XKR9: variants seen among roughly 807,000 people sequenced by gnomAD.
XKR9 encodes the protein XK related 9, also known as XK-related protein 9.
XKR9 carries 32 observed loss-of-function variants against 32.0 expected under a neutral mutation model. The ratio of observed to expected loss-of-function variants is 1.00; its 90% CI spans 0.76 to 1.34. XKR9 has a LOEUF of 1.34. Ranked by LOEUF, XKR9 falls within the 40% of genes most tolerant of loss-of-function variation. The probability of loss-of-function intolerance (pLI) is 0.00; values close to 1 mark genes in which losing one functional copy is unlikely to be tolerated. For synonymous variants in XKR9, 168 were observed against 143.4 expected, an observed-to-expected ratio of 1.17 and a Z score of -1.22; for missense variants, 546 against 429.7, an observed-to-expected ratio of 1.27 and a Z score of -2.39.
chr8:70,719,168 T>C (rs2132210350), intron 4 of XKR9, among the ~76,000 whole-genome samples: 2 of 152,222 alleles, frequency 1.3e-5, no homozygotes, highest in African/African-American at 4.8e-5. Flanking sequence ...TTTTTTTTTC[T>C]TGTAAATTTA....
At chr8:70,793,018 A>G (rs1413636034), downstream of XKR9, among the ~76,000 whole-genome samples, 1 of 152,132 alleles carries the variant, frequency 6.6e-6, no homozygotes, top group Non-Finnish European at 1.5e-5. Flanking sequence ...GACAATTACA[A>G]AGGCTTACAC....
intron 2 of XKR9, among the ~76,000 whole-genome samples, chr8:70,775,177 C>T (rs564023007): frequency 1.5e-3 from 231 of 152,092 alleles, no homozygotes; most frequent in African/African-American, 5.5e-3. Context: ...GATTTTGTAT[C>T]CTGCAAATTT....
chr8:70,671,768 A>G (rs1473427918), intron 1 of XKR9, among the ~76,000 whole-genome samples: 3 of 111,012 alleles, frequency 2.7e-5, no homozygotes, highest in Non-Finnish European at 6.6e-5. Context: ...AGTCTTTGCT[A>G]TTGTGAATAG....
At chr8:70,902,434 T>G in the XKR9 span, among the ~76,000 whole-genome samples, 1 of 152,218 alleles carries the variant, frequency 6.6e-6, no homozygotes, top group Non-Finnish European at 1.5e-5. Context: ...GGGAGTTCAC[T>G]CATGATTTGG....
chr8:70,992,006 A>G, the XKR9 span, among the ~76,000 whole-genome samples: 1 of 152,170 alleles, frequency 6.6e-6, no homozygotes, highest in African/African-American at 2.4e-5. Context: ...TGTAATATTA[A>G]TTGCAGATAA....
At chr8:70,985,889 A>G in the XKR9 span, among the ~76,000 whole-genome samples, 2 of 152,180 alleles carry the variant, frequency 1.3e-5, no homozygotes, top group Admixed American at 1.3e-4. Context: ...AAACATAATT[A>G]TAATTCTTCT....
At chr8:70,816,252 A>G in the XKR9 span, among the ~76,000 whole-genome samples, 3 of 152,202 alleles carry the variant, frequency 2.0e-5, no homozygotes, top group Admixed American at 2.0e-4. Context: ...TGAAAGGACA[A>G]CCTTTTCAAT....
At chr8:70,875,341 G>T in the XKR9 span, among the ~76,000 whole-genome samples, 1 of 152,130 alleles carries the variant, frequency 6.6e-6, no homozygotes, top group Non-Finnish European at 1.5e-5. Flanking sequence ...CACATGACTT[G>T]CCTTGGTGTG....
At chr8:70,957,022 G>A in the XKR9 span, among the ~76,000 whole-genome samples, 1 of 152,236 alleles carries the variant, frequency 6.6e-6, no homozygotes, top group African/African-American at 2.4e-5. Context: ...GTTCCAAGAA[G>A]TGTGCAGCCC....
chr8:70,871,624 T>TACTGACC, the XKR9 span, among the ~76,000 whole-genome samples: 1 of 152,322 alleles, frequency 6.6e-6, no homozygotes, highest in Admixed American at 6.5e-5. Flanking sequence ...CTGATTGCCC[T>TACTGACC]ACTGACCAAT....
chr8:70,941,414 TA>T, the XKR9 span, among the ~76,000 whole-genome samples: 2 of 152,078 alleles, frequency 1.3e-5, no homozygotes, highest in Admixed American at 1.3e-4. Context: ...AACCTAAAGA[TA>T]AAGCCAGGGT....
chr8:70,677,450 G>T (rs1037261744), intron 2 of XKR9, among the ~76,000 whole-genome samples: 2 of 152,102 alleles, frequency 1.3e-5, no homozygotes, highest in Non-Finnish European at 2.9e-5. Flanking sequence ...ACCTGGCCAA[G>T]ATTTTTGTTT....
the XKR9 span, among the ~76,000 whole-genome samples, chr8:70,914,128 G>A: frequency 6.6e-6 from 1 of 152,258 alleles, no homozygotes; most frequent in South Asian, 2.1e-4. Flanking sequence ...GCAGTGGCAT[G>A]ATCATAGCTC....
At chr8:70,911,675 C>T in the XKR9 span, among the ~76,000 whole-genome samples, 5 of 152,012 alleles carry the variant, frequency 3.3e-5, no homozygotes, top group Non-Finnish European at 5.9e-5. Flanking sequence ...AACAGATGAG[C>T]AAGTGAATGG....
Position 70,734,381 on chromosome 8 carries a change from C to T in XKR9, c.1079C>T (p.Pro360Leu). ...AAATGTGATGAAATTGATGGAAAACCAGTTCTAAGAGAATGTAGAATGAGA... is the reference window on the plus strand; with the variant it reads ...AAATGTGATGAAATTGATGGAAAACTAGTTCTAAGAGAATGTAGAATGAGA... Reference protein sequence around the residue: ...ETKCDEIDGKPVLRECRMRYF... With the variant: ...ETKCDEIDGKLVLRECRMRYF... The change falls in exon 5 of 5, where the codon CCA becomes CTA. Residue 360 changes from proline (P) to leucine (L), a missense_variant. Transcript: ENST00000408926. The T allele has an allele frequency of 6.2e-7, 1 of 1,608,158 alleles. No individual in the cohort carries two copies. Among genetic ancestry groups the T allele is most frequent in the Non-Finnish European group, 8.5e-7 (1 of 1,179,034 alleles).
the XKR9 span, among the ~76,000 whole-genome samples, chr8:70,842,325 C>G: frequency 5.4e-4 from 82 of 152,242 alleles, no homozygotes; most frequent in Middle Eastern, 3.4e-3. Context: ...CATTTGGCAC[C>G]AAAAGATGTA....
chr8:70,799,399 C>T, the XKR9 span, among the ~76,000 whole-genome samples: 5 of 152,232 alleles, frequency 3.3e-5, no homozygotes, highest in South Asian at 6.2e-4. Flanking sequence ...GGTGCGATCA[C>T]GGATCACTGC....
the XKR9 span, among the ~76,000 whole-genome samples, chr8:70,945,848 G>A: frequency 6.0e-4 from 91 of 152,300 alleles, 1 homozygote; most frequent in African/African-American, 2.1e-3. Context: ...TTGAAAAAGA[G>A]ACATGCGGCC....
the XKR9 span, among the ~76,000 whole-genome samples, chr8:71,022,238 A>C: frequency 2.8e-4 from 43 of 152,114 alleles, no homozygotes; most frequent in Non-Finnish European, 4.7e-4. Flanking sequence ...TTATTGTAGT[A>C]TTATACTGTA....
Sources: allele counts gnomAD v4.1 joint callset (sites outside exome capture counted in the v4.1 genomes callset), GRCh38; gene constraint gnomAD v4.1.1; transcripts MANE v1.5; gene names NCBI Gene and HGNC (gene_info 2026-07-23, HGNC 2026-07-21).